Variants in ANK2 observed in about 807,000 individuals in gnomAD.
ANK2 encodes ankyrin 2.
A neutral mutation model predicts 360.5 loss-of-function variants in ANK2; 83 were observed. The observed-to-expected ratio is 0.23, with a 90% CI of 0.19 to 0.28. ANK2 has a LOEUF of 0.28. ANK2 is among the 10% of genes least tolerant of loss of function. The pLI, the probability that ANK2 is intolerant of heterozygous loss-of-function variation, is 1.00. For missense variants in ANK2, 4,201 were observed against 4,795.7 expected (o/e 0.88, Z 3.66); for synonymous variants, 1,740 against 1,759.5 (o/e 0.99, Z 0.28).
Position 113,381,896 on chromosome 4 carries a change from C to T in ANK2, c.*425C>T. ...GTGTCTGTGCTAACCTGGGAACTGG[C>T]CACCTCCATTGTTCTTTGCTTCTGC... On this transcript the variant is annotated 3_prime_UTR_variant, in exon 46 of 46. Transcript: ENST00000357077. 2.8e-6 allele frequency: 1 copy of T among 359,838 alleles called. No homozygotes were observed. The allele number at this position is 359,838 out of a possible 1,614,324, so 22.3% of individuals were successfully genotyped here. A position where few individuals can be genotyped will look rare whatever the true frequency, so the allele number is the denominator to read the frequency against.
intron 26 of ANK2, among the ~76,000 whole-genome samples, chr4:113,322,598 C>T (rs35450906): frequency 0.025 from 3,779 of 152,212 alleles, 76 homozygotes; most frequent in Non-Finnish European, 0.036. Flanking sequence ...GTTTTAATTA[C>T]AGTCAAATGC....
At chr4:113,218,516 G>C (rs1295925560) in intron 4 of ANK2, among the ~76,000 whole-genome samples, 5 of 151,344 alleles carry the variant, frequency 3.3e-5, no homozygotes, top group African/African-American at 1.2e-4. Flanking sequence ...TGGAGATTTA[G>C]ATTTCCTGGG....
At chr4:113,029,867 A>C (rs1244454960) in intron 2 of ANK2, among the ~76,000 whole-genome samples, 1 of 152,126 alleles carries the variant, frequency 6.6e-6, no homozygotes, top group African/African-American at 2.4e-5. Flanking sequence ...ATTTTGTGAG[A>C]GAAACAATAA....
the ANK2 span, among the ~76,000 whole-genome samples, chr4:112,741,346 A>C: frequency 6.6e-6 from 1 of 152,166 alleles, no homozygotes; most frequent in Non-Finnish European, 1.5e-5. Flanking sequence ...TCTTTCCAGC[A>C]AGCCCAAGCA....
chr4:113,347,245 A>G (rs996034962), intron 35 of ANK2, among the ~76,000 whole-genome samples: 1 of 151,478 alleles, frequency 6.6e-6, no homozygotes, highest in African/African-American at 2.5e-5. Flanking sequence ...TTAAATGAAT[A>G]AAATAAAATA....
chr4:113,222,164 C>G lies in ANK2; in HGVS notation c.385-9997C>G, dbSNP rs114902846. ...ACGAATGTAAAGTGCTTAGACTTCTCTCTTCTTACTAACACCACCCAAATT... is the reference window on the plus strand; with the variant it reads ...ACGAATGTAAAGTGCTTAGACTTCTGTCTTCTTACTAACACCACCCAAATT... On this transcript the variant is annotated intron_variant, in intron 4 of 45. Coordinates refer to ENST00000357077, the MANE Select transcript of ANK2 (RefSeq NM_001148.6). Among the ~76,000 whole-genome samples, 744 of 152,278 alleles carry G rather than the reference C, an allele frequency of 4.9e-3. 8 individuals are homozygous for G. The highest frequency in any genetic ancestry group is 0.017 in the African/African-American group (703 of 41,534).
chr4:113,327,296 C>G (rs916019148), intron 26 of ANK2, among the ~76,000 whole-genome samples: 2 of 152,148 alleles, frequency 1.3e-5, no homozygotes, highest in Non-Finnish European at 2.9e-5. Context: ...AGTCCTCTAT[C>G]AAAGGAAATC....
At chr4:112,849,559 A>G (rs2064142263) in intron 1 of ANK2, among the ~76,000 whole-genome samples, 1 of 152,114 alleles carries the variant, frequency 6.6e-6, no homozygotes, top group South Asian at 2.1e-4. Context: ...AGGCTAGTTA[A>G]TATGCTGCCT....
At chr4:112,791,303 A>G in the ANK2 span, among the ~76,000 whole-genome samples, 2 of 152,082 alleles carry the variant, frequency 1.3e-5, no homozygotes, top group Admixed American at 1.3e-4. Flanking sequence ...ATGACCTCAA[A>G]GTTTTCTTGA....
At chr4:113,042,897 G>A (rs1272009022) in intron 2 of ANK2, among the ~76,000 whole-genome samples, 22 of 152,132 alleles carry the variant, frequency 1.4e-4, no homozygotes, top group Admixed American at 1.4e-3. Flanking sequence ...TAGGTTTGGT[G>A]CCCCTGTTTT....
At chr4:113,129,257 A>G (rs956373472) in intron 1 of ANK2, among the ~76,000 whole-genome samples, 2 of 152,234 alleles carry the variant, frequency 1.3e-5, no homozygotes, top group African/African-American at 4.8e-5. Context: ...AATTATAACT[A>G]GTACAAAGGC....
chr4:112,738,915 CT>C, the ANK2 span: 2 of 692,890 alleles, frequency 2.9e-6, no homozygotes, highest in Non-Finnish European at 5.1e-6. Context: ...GCACATGCTG[CT>C]AGTGGCTTCC....
rs1230654392 is a variant in ANK2 at position 113,353,602 on chromosome 4, G to A, written c.4984G>A (p.Ala1662Thr). 2 of 1,614,040 alleles carry A rather than the reference G, an allele frequency of 1.2e-6. No individual in the cohort carries two copies. Among genetic ancestry groups the A allele is most frequent in the South Asian group, 2.2e-5 (2 of 91,086 alleles). Reference protein sequence around the residue: ...KEQLQTVQDKAGKKCEALAVG... With the variant: ...KEQLQTVQDKTGKKCEALAVG... The stretch of plus-strand genomic sequence containing the variant: ...GCAGCTGCAGACAGTTCAAGATAAG[G>A]CAGGGAAGAAATGTGAGGCTCTGGC... Residue 1662 changes from alanine (A) to threonine (T), a missense_variant, in exon 38 of 46, where the codon GCA becomes ACA. Ala to Thr is a moderately conservative substitution (Grantham distance 58). Transcript: ENST00000357077.
At chr4:113,014,848 CTTTTTTTTT>C (rs530387481) in intron 2 of ANK2, among the ~76,000 whole-genome samples, 10 of 70,288 alleles carry the variant, frequency 1.4e-4, no homozygotes, top group Non-Finnish European at 2.4e-4. Flanking sequence ...GATCATAGAG[CTTTTTTTTT>C]TTTTTTTTTT....
the ANK2 span, among the ~76,000 whole-genome samples, chr4:112,762,523 G>A: frequency 6.6e-6 from 1 of 152,110 alleles, no homozygotes; most frequent in Non-Finnish European, 1.5e-5. Flanking sequence ...TGTTGTTGTT[G>A]TTATTTTAGA....
At chr4:113,213,502 T>C (rs939502562) in intron 4 of ANK2, among the ~76,000 whole-genome samples, 1 of 152,206 alleles carries the variant, frequency 6.6e-6, no homozygotes, top group Non-Finnish European at 1.5e-5. Context: ...GAAGGGCTAA[T>C]AGGTCATACT....
intron 23 of ANK2, among the ~76,000 whole-genome samples, chr4:113,307,315 G>T (rs2077652504): frequency 6.6e-6 from 1 of 151,944 alleles, no homozygotes; most frequent in Non-Finnish European, 1.5e-5. Flanking sequence ...GTCTCAGCAG[G>T]AATAATGCTT....
chr4:113,376,421 T>G (rs1001390229), intron 45 of ANK2, among the ~76,000 whole-genome samples: 1 of 152,204 alleles, frequency 6.6e-6, no homozygotes, highest in Non-Finnish European at 1.5e-5. Context: ...ATACTTACCA[T>G]GTAGCTTGCA....
chr4:112,973,754 G>A (rs2040417165), intron 2 of ANK2, among the ~76,000 whole-genome samples: 1 of 152,190 alleles, frequency 6.6e-6, no homozygotes. Flanking sequence ...TGGGTGATGG[G>A]TTGTGTAAAG....
Sources: allele counts gnomAD v4.1 joint callset (sites outside exome capture counted in the v4.1 genomes callset), GRCh38; gene constraint gnomAD v4.1.1; transcripts MANE v1.5; gene names NCBI Gene and HGNC (gene_info 2026-07-23, HGNC 2026-07-21).